Variants in OLAH observed in about 807,000 individuals in gnomAD.
OLAH encodes S-acyl fatty acid synthase thioesterase, medium chain.
In OLAH, 33 loss-of-function variants were observed where a neutral mutation model predicts 27.8. The observed-to-expected ratio is 1.19, with a 90% CI of 0.90 to 1.59. The LOEUF is 1.59. Ranked by LOEUF, OLAH falls within the 40% of genes most tolerant of loss-of-function variation. The probability of loss-of-function intolerance (pLI) is 0.00; values close to 1 mark genes in which losing one functional copy is unlikely to be tolerated. For missense variants in OLAH, 359 were observed against 310.8 expected, an observed-to-expected ratio of 1.16 and a Z score of -1.17; for synonymous variants, 120 against 102.9, an observed-to-expected ratio of 1.17 and a Z score of -1.01.
intron 3 of OLAH, among the ~76,000 whole-genome samples, chr10:15,057,526 C>G (rs1238698175): frequency 6.6e-6 from 1 of 150,786 alleles, no homozygotes; most frequent in Non-Finnish European, 1.5e-5. Context: ...GCTGTGATAA[C>G]AGGCATGAGC....
intron 7 of OLAH, 28 bp downstream of exon 7, chr10:15,071,905 G>C (rs1335476327): frequency 6.6e-7 from 1 of 1,523,918 alleles, no homozygotes; most frequent in Admixed American, 1.7e-5. Flanking sequence ...CTCGAGTATT[G>C]TATTGAAATA....
upstream of OLAH, among the ~76,000 whole-genome samples, chr10:15,039,177 G>A (rs1269447592): frequency 6.6e-6 from 1 of 152,060 alleles, no homozygotes; most frequent in Non-Finnish European, 1.5e-5. Context: ...AGTGAGCTAT[G>A]ATAGCACCCC....
chr10:15,055,859 T>C (rs1228758942), intron 3 of OLAH, among the ~76,000 whole-genome samples: 1 of 151,692 alleles, frequency 6.6e-6, no homozygotes, highest in Non-Finnish European at 1.5e-5. Flanking sequence ...TACTTTTTTT[T>C]TTTTTTTGGA....
chr10:15,067,384 G>C (rs1195205550), intron 6 of OLAH, among the ~76,000 whole-genome samples: 1 of 60,666 alleles, frequency 1.6e-5, no homozygotes, highest in Non-Finnish European at 2.7e-5. Context: ...GAAGGGATAA[G>C]AATAGCACCT....
At chr10:15,060,019 C>A (rs1271166047) in intron 3 of OLAH, among the ~76,000 whole-genome samples, 1 of 151,944 alleles carries the variant, frequency 6.6e-6, no homozygotes, top group Non-Finnish European at 1.5e-5. Context: ...ACATATTCAG[C>A]CACTATTTTT....
intron 6 of OLAH, chr10:15,068,023 T>A (rs1327574938): frequency 6.6e-6 from 1 of 152,210 alleles, no homozygotes; most frequent in Non-Finnish European, 1.5e-5. Context: ...AAGTTCTGTT[T>A]TGTTTCTTTT....
intron 6 of OLAH, among the ~76,000 whole-genome samples, chr10:15,070,981 G>T (rs1199148042): frequency 2.6e-5 from 4 of 151,534 alleles, no homozygotes; most frequent in Non-Finnish European, 4.4e-5. Flanking sequence ...ATGGGGTCTT[G>T]CTATGTTGCC....
intron 5 of OLAH, among the ~76,000 whole-genome samples, chr10:15,065,309 G>T (rs1175901483): frequency 6.6e-6 from 1 of 152,074 alleles, no homozygotes; most frequent in East Asian, 1.9e-4. Flanking sequence ...CTACCTCTTT[G>T]GTCTTTCCCA....
At chr10:15,054,956 G>A (rs1308769711) in intron 3 of OLAH, among the ~76,000 whole-genome samples, 1 of 151,728 alleles carries the variant, frequency 6.6e-6, no homozygotes, top group East Asian at 1.9e-4. Flanking sequence ...TTTGTGAGGT[G>A]TTTTTTGTTT....
At chr10:15,063,589 A>G (rs1438491729) in intron 4 of OLAH, among the ~76,000 whole-genome samples, 1 of 152,224 alleles carries the variant, frequency 6.6e-6, no homozygotes, top group East Asian at 1.9e-4. Context: ...GTATTTACAT[A>G]ATATCAACAT....
At chr10:15,062,328 T>G (rs1311978703) in intron 4 of OLAH, among the ~76,000 whole-genome samples, 2 of 152,114 alleles carry the variant, frequency 1.3e-5, no homozygotes, top group African/African-American at 4.8e-5. Flanking sequence ...TGATCTTAAA[T>G]AAATTGGTAT....
intron 2 of OLAH, among the ~76,000 whole-genome samples, chr10:15,048,873 G>T (rs185322518): frequency 9.9e-5 from 15 of 152,002 alleles, no homozygotes; most frequent in Admixed American, 9.2e-4. Context: ...AGGCCGAGGC[G>T]GGCGGATCAC....
Position 15,061,820 on chromosome 10 carries a change from A to C in OLAH, c.260A>C (p.Gln87Pro), listed in dbSNP as rs200761612. The change falls in exon 4 of 8, where the codon CAG (glutamine) becomes CCG (proline). Residue 87 changes from glutamine to proline, a missense_variant. Coordinates refer to ENST00000378228, the MANE Select transcript of OLAH (RefSeq NM_001039702.3). The stretch of plus-strand genomic sequence containing the variant: ...GTTGATGAAGTTGTTTGTGCTCTGC[A>C]GCCAGTCATCCAGGATAAACCATTT... ...QLVDEVVCAL[Q>P]PVIQDKPFAF... The C allele has an allele frequency of 6.2e-7, 1 of 1,614,058 alleles. No homozygotes were observed. The highest frequency in any genetic ancestry group is 2.2e-5 in the East Asian group (1 of 44,872).
At chr10:15,060,628 T>C (rs1844344370) in intron 3 of OLAH, among the ~76,000 whole-genome samples, 1 of 152,170 alleles carries the variant, frequency 6.6e-6, no homozygotes, top group Non-Finnish European at 1.5e-5. Context: ...TAAAAATCTT[T>C]AGTTTCTGTT....
chr10:15,034,744 G>A lies in OLAH; in HGVS notation c.-164+2394G>A, dbSNP rs564647790. Among the ~76,000 whole-genome samples, 33 of 152,054 alleles carry A rather than the reference G, an allele frequency of 2.2e-4. 1 individual carries two copies. The highest frequency in any genetic ancestry group is 4.0e-4 in the Non-Finnish European group (27 of 67,998). ...CCAAAACCAGAGAGTATCTTCAACAGCCCATAAAGAAGCATAAGACTGTAC... is the reference window on the plus strand; with the variant it reads ...CCAAAACCAGAGAGTATCTTCAACAACCCATAAAGAAGCATAAGACTGTAC... On this transcript the variant is annotated intron_variant, in intron 1 of 3. Coordinates refer to the OLAH transcript ENST00000413672.
chr10:15,064,707 G>C (rs567286039), intron 5 of OLAH, among the ~76,000 whole-genome samples: 1 of 152,328 alleles, frequency 6.6e-6, no homozygotes, highest in African/African-American at 2.4e-5. Context: ...GCCCAGGCTA[G>C]AGTGCAGTGG....
Position 15,073,238 on chromosome 10 carries a change from C to A in OLAH, c.*9C>A. Reference sequence around the variant, plus strand: ...CGATATCCAATTTTTAGATATTTTCCCTTTCACTTTTAAAATAATCAAAGT... The same window carrying A: ...CGATATCCAATTTTTAGATATTTTCACTTTCACTTTTAAAATAATCAAAGT... On this transcript the variant is annotated 3_prime_UTR_variant, in exon 8 of 8. Coordinates refer to ENST00000378228, the MANE Select transcript of OLAH (RefSeq NM_001039702.3). The A allele has an allele frequency of 6.5e-7, 1 of 1,533,928 alleles. No homozygotes were observed.
intron 3 of OLAH, chr10:15,056,720 T>C: frequency 5.8e-6 from 7 of 1,214,050 alleles, no homozygotes; most frequent in Non-Finnish European, 7.3e-6. Flanking sequence ...AGCCTTAACT[T>C]TTCAGCCTCA....
intron 6 of OLAH, among the ~76,000 whole-genome samples, chr10:15,065,957 A>G (rs979613774): frequency 2.6e-5 from 4 of 152,162 alleles, no homozygotes; most frequent in Non-Finnish European, 5.9e-5. Flanking sequence ...GATGTCTAGC[A>G]TGGCCAGGCA....
Sources: gnomAD v4.1 joint callset for allele counts (sites outside exome capture counted in the v4.1 genomes callset) on GRCh38, gnomAD v4.1.1 for gene constraint, MANE v1.5 for transcripts, NCBI Gene and HGNC (gene_info 2026-07-23, HGNC 2026-07-21) for gene names.